Variants in FAM161A observed in about 807,000 individuals in gnomAD.
FAM161A encodes the protein FAM161 centrosomal protein A.
A neutral mutation model predicts 70.9 loss-of-function variants in FAM161A; 57 were observed. The ratio of observed to expected loss-of-function variants is 0.80; its 90% CI spans 0.65 to 1.00. FAM161A has a LOEUF of 1.00. Ranked by LOEUF, FAM161A falls within the 50% of genes least tolerant of loss-of-function variation. The pLI, the probability that FAM161A is intolerant of heterozygous loss-of-function variation, is 0.00. For synonymous variants in FAM161A, 299 were observed against 295.7 expected (o/e 1.01, Z -0.12); for missense variants, 880 against 836.0 (o/e 1.05, Z -0.65).
the FAM161A span, among the ~76,000 whole-genome samples, chr2:61,807,728 C>G: frequency 6.6e-6 from 1 of 151,070 alleles, no homozygotes; most frequent in Non-Finnish European, 1.5e-5. Flanking sequence ...GCAACCTCCA[C>G]CTCCAGGGCT....
intron 1 of FAM161A, among the ~76,000 whole-genome samples, chr2:61,845,643 C>A (rs773597110): frequency 6.7e-6 from 1 of 148,912 alleles, no homozygotes; most frequent in South Asian, 2.1e-4. Flanking sequence ...GGCAACACGG[C>A]GAGACACCAT....
At chr2:61,803,509 G>T in the FAM161A span, 1 of 520,876 alleles carries the variant, frequency 1.9e-6, no homozygotes, top group East Asian at 3.5e-5. Context: ...CGGCCATTGA[G>T]GATTTTTCAC....
intron 1 of FAM161A, among the ~76,000 whole-genome samples, chr2:61,851,398 T>A (rs1382306937): frequency 1.3e-5 from 2 of 152,018 alleles, no homozygotes; most frequent in Non-Finnish European, 2.9e-5. Flanking sequence ...GTGCAGTTTT[T>A]GCATCTCAGC....
chr2:61,832,020 G>A (rs569445623), intron 5 of FAM161A, among the ~76,000 whole-genome samples: 5 of 152,156 alleles, frequency 3.3e-5, no homozygotes, highest in African/African-American at 1.2e-4. Flanking sequence ...GAGAAAGGAG[G>A]ATTTCTTGAG....
At chr2:61,848,816 A>ATATATATATT (rs1558491258) in intron 1 of FAM161A, among the ~76,000 whole-genome samples, 1 of 10,652 alleles carries the variant, frequency 9.4e-5, no homozygotes, top group Admixed American at 2.4e-3. Flanking sequence ...ATATATATTT[A>ATATATATATT]TATATATATA....
chr2:61,836,866 G>A (rs1043877732), intron 4 of FAM161A: 11 of 235,782 alleles, frequency 4.7e-5, no homozygotes, highest in East Asian at 1.4e-4. Flanking sequence ...GAGCCATTGC[G>A]CCTGGCCTAT....
At chr2:61,830,182 G>C (rs11125894) in intron 5 of FAM161A, among the ~76,000 whole-genome samples, 1 of 152,010 alleles carries the variant, frequency 6.6e-6, no homozygotes, top group African/African-American at 2.4e-5. Context: ...ATGGTAAGGC[G>C]AAGGTATAAT....
At position 61,840,228 on chromosome 2, in the gene FAM161A, T is replaced by A. The variant is rs754492435; in HGVS notation, c.776A>T (p.Lys259Ile). ...TTTATGTACCATTTCGATATCTGAT[T>A]TAGATTTCATGGACTCTTCTTTTTT... ...QKKKEESMKS[K>I]SDIEMVHKAL... The change falls in exon 3 of 7, where the codon AAA (lysine) becomes ATA (isoleucine). Residue 259 changes from lysine (K) to isoleucine (I), a missense_variant. Lys to Ile is a moderately radical substitution (Grantham distance 102). Transcript: ENST00000404929. 5 of 1,613,866 alleles carry A rather than the reference T, an allele frequency of 3.1e-6. No homozygotes were observed. The East Asian group carries it at 6.7e-5, about 22-fold the overall frequency.
chr2:61,833,425 C>CAA (rs35987360), intron 5 of FAM161A, among the ~76,000 whole-genome samples: 39 of 110,692 alleles, frequency 3.5e-4, no homozygotes, highest in Non-Finnish European at 4.6e-4. Flanking sequence ...GACTCTGTCT[C>CAA]AAAAAAAAAA....
rs1190465399 is a variant in FAM161A, at chr2:61,826,508, C to T, written c.2098G>A (p.Asp700Asn). Reference protein sequence around the residue: ...TNSQDSYKEKDEANEESEEEK... With the variant: ...TNSQDSYKEKNEANEESEEEK... The stretch of plus-strand genomic sequence containing the variant: ...TCTTCACTTTCCTCATTGGCTTCAT[C>T]TTTTTCCTTGTAAGAATCCTGGCTG... Residue 700 changes from aspartate (D) to asparagine (N), a missense_variant, in exon 7 of 7, where the codon GAT becomes AAT. Coordinates refer to ENST00000404929, the MANE Select transcript of FAM161A (RefSeq NM_001201543.2). The T allele has an allele frequency of 1.9e-6, 3 of 1,607,888 alleles. No individual in the cohort carries two copies. The highest frequency in any genetic ancestry group is 1.7e-5 in the Admixed American group (1 of 59,200).
chr2:61,803,286 G>T, the FAM161A span: 5 of 628,780 alleles, frequency 8.0e-6, no homozygotes, highest in Admixed American at 5.9e-5. Context: ...GCTTTGGCAT[G>T]ATTTATGATT....
At chr2:61,806,680 CTTTTTTTTTTTTTTTTT>C in the FAM161A span, among the ~76,000 whole-genome samples, 3 of 61,592 alleles carry the variant, frequency 4.9e-5, no homozygotes, top group East Asian at 5.3e-4. Context: ...CTTTCCACGT[CTTTTTTTTTTTTTTTTT>C]TTTTTTTTTT....
intron 1 of FAM161A, among the ~76,000 whole-genome samples, chr2:61,850,447 G>A (rs1463813313): frequency 6.6e-6 from 1 of 151,976 alleles, no homozygotes; most frequent in Non-Finnish European, 1.5e-5. Flanking sequence ...ATATGTGTAT[G>A]TATGTATGTA....
the FAM161A span, among the ~76,000 whole-genome samples, chr2:61,808,572 G>A: frequency 9.2e-5 from 14 of 151,896 alleles, no homozygotes; most frequent in African/African-American, 3.1e-4. Context: ...GTGCCTGGCC[G>A]GAAAAATTCT....
intron 2 of FAM161A, 100 bp from the exon 3 acceptor site, chr2:61,840,681 C>CAGAA: frequency 3.3e-6 from 3 of 915,038 alleles, no homozygotes; most frequent in Non-Finnish European, 5.1e-6. Flanking sequence ...GACAGAGTCT[C>CAGAA]ACTCTGTTGC....
chr2:61,804,798 G>GAAAGAAAGAAAGAA, the FAM161A span, among the ~76,000 whole-genome samples: 3 of 140,438 alleles, frequency 2.1e-5, no homozygotes, highest in South Asian at 7.3e-4. Context: ...AAGAAAGAAA[G>GAAAGAAAGAAAGAA]AAAGAAAGAA....
chr2:61,846,627 C>A (rs140508512), intron 1 of FAM161A: 40 of 241,136 alleles, frequency 1.7e-4, no homozygotes, highest in Non-Finnish European at 3.0e-4. Context: ...CCACCCTTCT[C>A]GACTCTGCTT....
At chr2:61,837,884 A>G (rs1672833845) in intron 4 of FAM161A, among the ~76,000 whole-genome samples, 1 of 152,224 alleles carries the variant, frequency 6.6e-6, no homozygotes, top group Non-Finnish European at 1.5e-5. Flanking sequence ...ACTCATTGTA[A>G]TTAAAAGCAC....
At chr2:61,834,903 A>G (rs1672715983) in intron 5 of FAM161A, among the ~76,000 whole-genome samples, 1 of 152,232 alleles carries the variant, frequency 6.6e-6, no homozygotes, top group Non-Finnish European at 1.5e-5. Flanking sequence ...AGAGCTGGAG[A>G]TAATGTCTTT....
Sources: gnomAD v4.1 joint callset for allele counts (sites outside exome capture counted in the v4.1 genomes callset) on GRCh38, gnomAD v4.1.1 for gene constraint, MANE v1.5 for transcripts, NCBI Gene and HGNC (gene_info 2026-07-23, HGNC 2026-07-21) for gene names.